MAP3K4: variants seen among roughly 807,000 people sequenced by gnomAD.
The protein encoded by MAP3K4 is mitogen-activated protein kinase kinase kinase 4, also known as MAP three kinase 1.
In MAP3K4, 67 loss-of-function variants were observed where a neutral mutation model predicts 185.6. That is an observed-to-expected ratio of 0.36 (90% confidence interval 0.30 to 0.44). The LOEUF is 0.44. MAP3K4 is among the 20% of genes least tolerant of loss of function. The pLI is 1.00. For synonymous variants in MAP3K4, 702 were observed against 710.4 expected (o/e 0.99, Z 0.19); for missense variants, 1,551 against 1,995.1 (o/e 0.78, Z 4.24).
In MAP3K4 at chr6:160,992,002, A is replaced by AGCCGCCGCCACC; in HGVS notation, c.81_92dup (p.Pro33_Pro36dup). On this transcript the variant is annotated inframe_insertion, in exon 1 of 27. Coordinates refer to ENST00000392142, the MANE Select transcript of MAP3K4 (RefSeq NM_005922.4). ...GTCACGCCTGCCGCCGCCATGGAGG[A>AGCCGCCGCCACC]GCCGCCGCCACCGCCGCCGCCGCCA... 3.3e-6 allele frequency: 5 copies of AGCCGCCGCCACC among 1,537,272 alleles called. No individual in the cohort carries two copies. Among genetic ancestry groups the AGCCGCCGCCACC allele is most frequent in the Non-Finnish European group, 1.7e-6 (2 of 1,149,372 alleles).
At chr6:161,072,664 A>G (rs1785000733) in intron 4 of MAP3K4, among the ~76,000 whole-genome samples, 3 of 152,206 alleles carry the variant, frequency 2.0e-5, no homozygotes, top group East Asian at 1.9e-4. Context: ...GAAAGTTTGT[A>G]TCAGTTTACC....
intron 1 of MAP3K4, among the ~76,000 whole-genome samples, chr6:160,993,737 A>T (rs1360822457): frequency 2.9e-4 from 2 of 6,938 alleles, no homozygotes; most frequent in African/African-American, 8.5e-4. Flanking sequence ...TTCAGTGGTA[A>T]AAAAAAAAAA....
At chr6:161,095,194 C>T (rs1041134821) in intron 15 of MAP3K4, among the ~76,000 whole-genome samples, 3 of 152,178 alleles carry the variant, frequency 2.0e-5, no homozygotes, top group Non-Finnish European at 4.4e-5. Flanking sequence ...TCCTCTCAGT[C>T]ACTATGGGTT....
In MAP3K4 at chr6:161,067,884, T is replaced by C. The variant is rs1310074201; in HGVS notation, c.1708-2724T>C. Among the ~76,000 whole-genome samples, 1 of 152,252 alleles carries C rather than the reference T, an allele frequency of 6.6e-6. No homozygotes were observed. Among genetic ancestry groups the C allele is most frequent in the Admixed American group, 6.5e-5 (1 of 15,288 alleles). The stretch of plus-strand genomic sequence containing the variant: ...ATCAAAACATCCACTTTTAAAACTG[T>C]AGACCTTGTCAATCTGTCACTAACA... On this transcript the variant is annotated intron_variant, in intron 3 of 26. Transcript: ENST00000392142. The surrounding 1 kb of genome is among the most constrained non-coding windows in gnomAD (Gnocchi z 6.3).
chr6:161,004,448 C>T (rs1321862738), intron 1 of MAP3K4, among the ~76,000 whole-genome samples: 1 of 152,182 alleles, frequency 6.6e-6, no homozygotes, highest in Non-Finnish European at 1.5e-5. Flanking sequence ...CTTGACAACT[C>T]ATCAATAACA....
At chr6:160,999,117 G>C (rs1781148873) in intron 1 of MAP3K4, among the ~76,000 whole-genome samples, 1 of 152,206 alleles carries the variant, frequency 6.6e-6, no homozygotes, top group Admixed American at 6.5e-5. Context: ...GCCTTCTGTG[G>C]AGAAAAGTAG....
chr6:161,092,086 G>A lies in MAP3K4; in HGVS notation c.3212G>A (p.Arg1071Gln), dbSNP rs199868127. 3.0e-5 allele frequency: 48 copies of A among 1,613,836 alleles called. 1 individual carries two copies. In the East Asian group the frequency reaches 6.7e-4, roughly 22 times the overall value. The change falls in exon 13 of 27, where the codon CGG becomes CAG. Residue 1071 changes from arginine (R) to glutamine (Q), a missense_variant. Transcript: ENST00000392142. ...GGAGACAAATATATAAGCTTTGCCC[G>A]GAAGTGGATGAATTATGTCCTGACT... ...KIGDKYISFA[R>Q]KWMNYVLTKC...
intron 1 of MAP3K4, among the ~76,000 whole-genome samples, chr6:161,006,990 T>C (rs1039677763): frequency 2.6e-5 from 4 of 152,192 alleles, no homozygotes; most frequent in African/African-American, 7.2e-5. Context: ...TTTATGGAGA[T>C]TGACAAACTG....
Position 161,041,912 on chromosome 6 carries a change from C to CTTTTTTTTTTTTTTTTTTT in MAP3K4, c.344-6691_344-6690insTTTTTTTTTTTTTTTTTTT, listed in dbSNP as rs1184107037. On this transcript the variant is annotated intron_variant, in intron 2 of 26. Coordinates refer to ENST00000392142, the MANE Select transcript of MAP3K4 (RefSeq NM_005922.4). Reference sequence around the variant, plus strand: ...GGGTAAAGGCCTTGAGTTATTGTTTCTTTTTTTTTTTTTCTTTTTTTTTTT... The same window carrying CTTTTTTTTTTTTTTTTTTT: ...GGGTAAAGGCCTTGAGTTATTGTTTCTTTTTTTTTTTTTTTTTTTTTTTTTTTTTTTTCTTTTTTTTTTT... Among the ~76,000 whole-genome samples, 7 of 64,048 alleles carry CTTTTTTTTTTTTTTTTTTT rather than the reference C, an allele frequency of 1.1e-4. 2 individuals carry two copies. The highest frequency in any genetic ancestry group is 2.5e-4 in the African/African-American group (4 of 15,876). 42.0% of individuals were successfully genotyped at this position (64,048 alleles called of 152,430 possible).
At chr6:160,999,239 G>A (rs1448167728) in intron 1 of MAP3K4, among the ~76,000 whole-genome samples, 2 of 152,226 alleles carry the variant, frequency 1.3e-5, no homozygotes, top group African/African-American at 4.8e-5. Context: ...AATAGGGCTT[G>A]TTAGAGGACA....
chr6:161,095,256 A>C (rs182330360), intron 15 of MAP3K4, among the ~76,000 whole-genome samples: 141 of 152,322 alleles, frequency 9.3e-4, no homozygotes, highest in African/African-American at 3.2e-3. Flanking sequence ...GGGGCTGCTC[A>C]TTTAACATCA....
rs1315663468 is a variant in MAP3K4, at chr6:161,084,910, G to A, written c.2372+293G>A. 3.3e-5 allele frequency among the ~76,000 whole-genome samples: 5 copies of A among 152,178 alleles called. No individual in the cohort carries two copies. Among genetic ancestry groups the A allele is most frequent in the Non-Finnish European group, 5.9e-5 (4 of 68,026 alleles). ...GCCTGTAATCCCAGTACTTTGGGAG[G>A]CCGAGGTGGGTGAATCACCAGGTCA... On this transcript the variant is annotated intron_variant, in intron 7 of 26. Coordinates refer to ENST00000392142, the MANE Select transcript of MAP3K4 (RefSeq NM_005922.4). This position sits in a 1 kb window ranked among gnomAD's most constrained non-coding sequence, Gnocchi z 4.6.
chr6:161,029,369 C>T (rs1475124406), intron 1 of MAP3K4, among the ~76,000 whole-genome samples: 9 of 152,244 alleles, frequency 5.9e-5, no homozygotes, highest in Non-Finnish European at 1.0e-4. Context: ...CCTAATATGT[C>T]AGAGCAGAAC....
At chr6:161,015,376 G>A (rs920872125) in intron 1 of MAP3K4, among the ~76,000 whole-genome samples, 19 of 152,040 alleles carry the variant, frequency 1.2e-4, no homozygotes, top group Non-Finnish European at 1.8e-4. Flanking sequence ...TAGGTGATGG[G>A]TCGATCTGTG....
rs747229805 is a variant in MAP3K4 at position 161,093,023 on chromosome 6, C to A, written c.3315C>A (p.Ala1105=). The part of the protein sequence containing the change: ...GFDFLQAIEP[A]FISALPEDDF... ...ATTTTCTACAAGCAATTGAACCTGCCTTTATTTCAGCTTTACCAGAAGATG... is the reference window on the plus strand; with the variant it reads ...ATTTTCTACAAGCAATTGAACCTGCATTTATTTCAGCTTTACCAGAAGATG... The change falls in exon 14 of 27, where the codon GCC becomes GCA. Residue 1105 remains alanine (A), a synonymous_variant. Coordinates refer to ENST00000392142, the MANE Select transcript of MAP3K4 (RefSeq NM_005922.4). This position sits in a 1 kb window ranked among gnomAD's most constrained non-coding sequence, Gnocchi z 5.2. 1 of 1,613,574 alleles carries A rather than the reference C, an allele frequency of 6.2e-7. No homozygotes were observed. Among genetic ancestry groups the A allele is most frequent in the East Asian group, 2.2e-5 (1 of 44,816 alleles).
chr6:161,079,617 T>C (rs912242247), intron 5 of MAP3K4, among the ~76,000 whole-genome samples: 3 of 152,120 alleles, frequency 2.0e-5, no homozygotes, highest in Non-Finnish European at 4.4e-5. Context: ...AGTTGCCCCT[T>C]GGGGGCCGCA....
chr6:161,075,449 A>C lies in MAP3K4; in HGVS notation c.2097+1837A>C, dbSNP rs917356029. ...TGGGATTATAGGCATTAGCCACCAC[A>C]CCTGCCCACTATATATTTCTTATGT... is the stretch of plus-strand genomic sequence containing the variant. On this transcript the variant is annotated intron_variant, in intron 5 of 26. Transcript: ENST00000392142. The surrounding 1 kb of genome is among the most constrained non-coding windows in gnomAD (Gnocchi z 4.3). Among the ~76,000 whole-genome samples the C allele has an allele frequency of 6.6e-6, 1 of 152,166 alleles. No individual in the cohort carries two copies. Among genetic ancestry groups the C allele is most frequent in the Non-Finnish European group, 1.5e-5 (1 of 68,030 alleles).
In MAP3K4 at chr6:160,991,901, C is replaced by T. The variant is rs773611675; in HGVS notation, c.-31C>T. 2 of 1,491,658 alleles carry T rather than the reference C, an allele frequency of 1.3e-6. No individual in the cohort carries two copies. The highest frequency in any genetic ancestry group is 1.5e-5 in the African/African-American group (1 of 68,454). The allele number at this position is 1,491,658 out of a possible 1,614,324, so 92.4% of individuals were successfully genotyped here. A position where few individuals can be genotyped will look rare whatever the true frequency, so the allele number is the denominator to read the frequency against. ...CCCGCGCCAGGCTGCAGCTTACTGC[C>T]CGCCGCGGCCATGCGGGGCTCCGTG... On this transcript the variant is annotated 5_prime_UTR_variant, in exon 1 of 27. Transcript: ENST00000392142. This position sits in a 1 kb window ranked among gnomAD's most constrained non-coding sequence, Gnocchi z 5.7.
chr6:161,103,125 G>A lies in MAP3K4; in HGVS notation c.3856+346G>A, dbSNP rs146281957. ...TTAGACATTGAGGGAAAGAACTTAC[G>A]AAGCATGTGATTAATATTATCAAAA... On this transcript the variant is annotated intron_variant, in intron 19 of 26. Coordinates refer to ENST00000392142, the MANE Select transcript of MAP3K4 (RefSeq NM_005922.4). This position sits in a 1 kb window ranked among gnomAD's most constrained non-coding sequence, Gnocchi z 4.6. Among the ~76,000 whole-genome samples, 35 of 152,262 alleles carry A rather than the reference G, an allele frequency of 2.3e-4. No individual in the cohort carries two copies. The highest frequency in any genetic ancestry group is 6.0e-4 in the African/African-American group (25 of 41,536).
Sources: allele counts gnomAD v4.1 joint callset (sites outside exome capture counted in the v4.1 genomes callset), GRCh38; gene constraint gnomAD v4.1.1; non-coding constraint Gnocchi (gnomAD v3.1); transcripts MANE v1.5; gene names NCBI Gene and HGNC (gene_info 2026-07-23, HGNC 2026-07-21).